The following DTNB variants were observed in gnomAD, a reference collection of about 807,000 sequenced individuals.
DTNB encodes the protein dystrobrevin beta.
DTNB carries 63 observed loss-of-function variants against 90.7 expected under a neutral mutation model. The observed-to-expected ratio is 0.69, with a 90% CI of 0.57 to 0.86. The LOEUF (loss-of-function observed/expected upper bound fraction) is 0.86. Ranked by LOEUF, DTNB falls within the 40% of genes least tolerant of loss-of-function variation. The probability of loss-of-function intolerance (pLI) is 0.00; values close to 1 mark genes in which losing one functional copy is unlikely to be tolerated. For missense variants in DTNB, 744 were observed against 807.1 expected, an observed-to-expected ratio of 0.92 and a Z score of 0.95; for synonymous variants, 277 against 286.7, an observed-to-expected ratio of 0.97 and a Z score of 0.34.
chr2:25,663,541 ATTTC>A (rs1174194543), intron 1 of DTNB, among the ~76,000 whole-genome samples: 1 of 152,074 alleles, frequency 6.6e-6, no homozygotes, highest in African/African-American at 2.4e-5. Context: ...TATATGTACT[ATTTC>A]TTTATAACAT....
At chr2:25,386,566 A>G (rs762503816) in intron 18 of DTNB, among the ~76,000 whole-genome samples, 1 of 152,164 alleles carries the variant, frequency 6.6e-6, no homozygotes, top group South Asian at 2.1e-4. Context: ...TCTGGCCCCT[A>G]CGTAACTGGT....
intron 16 of DTNB, among the ~76,000 whole-genome samples, chr2:25,399,858 T>G (rs1312782520): frequency 3.9e-5 from 6 of 152,198 alleles, no homozygotes; most frequent in Non-Finnish European, 8.8e-5. Flanking sequence ...TAAAATTCTG[T>G]GACCTATGAT....
At chr2:25,526,395 A>ATATATATATATATTTTTTTTTTT in intron 9 of DTNB, among the ~76,000 whole-genome samples, 3 of 49,858 alleles carry the variant, frequency 6.0e-5, no homozygotes, top group African/African-American at 2.9e-4. Context: ...ATATATATAT[A>ATATATATATATATTTTTTTTTTT]TTTTTTTTTT....
At chr2:25,601,364 C>T (rs2065841362) in intron 5 of DTNB, among the ~76,000 whole-genome samples, 1 of 152,024 alleles carries the variant, frequency 6.6e-6, no homozygotes, top group Non-Finnish European at 1.5e-5. Flanking sequence ...CAGTTATTTC[C>T]AGCTAAAAAG....
At chr2:25,621,609 ATTTTTTT>A (rs758895953) in intron 4 of DTNB, among the ~76,000 whole-genome samples, 5 of 105,992 alleles carry the variant, frequency 4.7e-5, no homozygotes, top group Admixed American at 2.0e-4. Context: ...TGCCTGGCTA[ATTTTTTT>A]TTTTTTTTTT....
rs913128055 is a variant in DTNB at position 25,424,822 on chromosome 2, C to T, written c.1554+2713G>A. Among the ~76,000 whole-genome samples the T allele has an allele frequency of 1.8e-4, 27 of 152,034 alleles. No homozygotes were observed. The highest frequency in any genetic ancestry group is 5.3e-4 in the African/African-American group (22 of 41,398). On this transcript the variant is annotated intron_variant, in intron 15 of 20. Transcript: ENST00000406818. The surrounding 1 kb of genome is among the most constrained non-coding windows in gnomAD (Gnocchi z 4.1). ...AGCTGGGATTATAGGCACGTGCCAC[C>T]GTGCCCGGCTAATTTTTGTGTTTTT...
At chr2:25,548,861 C>A (rs906098930) in intron 8 of DTNB, among the ~76,000 whole-genome samples, 1 of 152,162 alleles carries the variant, frequency 6.6e-6, no homozygotes, top group African/African-American at 2.4e-5. Flanking sequence ...CTCAGAAAGC[C>A]TCTGTAATAA....
intron 16 of DTNB, among the ~76,000 whole-genome samples, chr2:25,400,174 T>G (rs917653978): frequency 1.3e-5 from 2 of 152,016 alleles, no homozygotes; most frequent in African/African-American, 4.8e-5. Flanking sequence ...CAAACTGGAG[T>G]GTGTGGCGCA....
intron 3 of DTNB, among the ~76,000 whole-genome samples, chr2:25,634,393 G>GC (rs1224051171): frequency 2.0e-5 from 2 of 101,730 alleles, no homozygotes; most frequent in African/African-American, 3.6e-5. Context: ...GGGGGGGTCA[G>GC]CCCCCCCGCC....
At chr2:25,512,458 G>C (rs1484272319) in intron 9 of DTNB, among the ~76,000 whole-genome samples, 2 of 152,182 alleles carry the variant, frequency 1.3e-5, no homozygotes, top group African/African-American at 4.8e-5. Context: ...AGGCACTAAA[G>C]ATGTACAATC....
chr2:25,378,872 G>T (rs2036671886), intron 20 of DTNB, among the ~76,000 whole-genome samples: 1 of 152,212 alleles, frequency 6.6e-6, no homozygotes, highest in African/African-American at 2.4e-5. Flanking sequence ...GTGCAGTGCT[G>T]GGTGACAGAA....
intron 1 of DTNB, among the ~76,000 whole-genome samples, chr2:25,661,539 G>T (rs2083178167): frequency 6.6e-6 from 1 of 152,228 alleles, no homozygotes; most frequent in South Asian, 2.1e-4. Context: ...ATTGCTTTGG[G>T]GGGAAAGGAA....
Position 25,602,830 on chromosome 2 carries a change from A to C in DTNB, c.448+4406T>G, listed in dbSNP as rs73922444. On this transcript the variant is annotated intron_variant, in intron 5 of 20. Transcript: ENST00000406818. ...GCAAATTTTTGTTTAAAACTACATTACACTTATGCATTTTGATCTAAAACC... is the reference window on the plus strand; with the variant it reads ...GCAAATTTTTGTTTAAAACTACATTCCACTTATGCATTTTGATCTAAAACC... Among the ~76,000 whole-genome samples, 256 of 152,328 alleles carry C rather than the reference A, an allele frequency of 1.7e-3. 1 individual carries two copies. Among genetic ancestry groups the C allele is most frequent in the African/African-American group, 6.0e-3 (248 of 41,576 alleles).
At chr2:25,524,269 T>C (rs964860045) in intron 9 of DTNB, among the ~76,000 whole-genome samples, 15 of 151,880 alleles carry the variant, frequency 9.9e-5, no homozygotes, top group African/African-American at 2.9e-4. Flanking sequence ...TTAACACGTA[T>C]TGAATACAGA....
At chr2:25,591,904 T>C (rs949986255) in intron 6 of DTNB, among the ~76,000 whole-genome samples, 2 of 151,498 alleles carry the variant, frequency 1.3e-5, no homozygotes, top group African/African-American at 4.9e-5. Flanking sequence ...CTACTACAAA[T>C]ACAAAAATTA....
intron 19 of DTNB, 142 bp from the exon 20 acceptor site, chr2:25,379,465 C>T (rs2036922115): frequency 9.0e-7 from 1 of 1,108,734 alleles, no homozygotes; most frequent in Admixed American, 4.2e-5. Flanking sequence ...TGACTTTTCC[C>T]ACCCAGGTAT....
At chr2:25,404,454 G>A (rs1397131158) in intron 16 of DTNB, among the ~76,000 whole-genome samples, 2 of 152,154 alleles carry the variant, frequency 1.3e-5, no homozygotes, top group East Asian at 3.9e-4. Context: ...AGACGGGGCG[G>A]TGAAGCTGGA....
chr2:25,491,953 A>G (rs1171742323), intron 9 of DTNB, among the ~76,000 whole-genome samples: 2 of 151,500 alleles, frequency 1.3e-5, no homozygotes, highest in Non-Finnish European at 2.9e-5. Context: ...GAGGTCACAG[A>G]GCCAAATCGT....
intron 18 of DTNB, among the ~76,000 whole-genome samples, chr2:25,386,760 G>A (rs535005427): frequency 2.0e-5 from 3 of 152,222 alleles, no homozygotes; most frequent in Non-Finnish European, 4.4e-5. Flanking sequence ...AGGAGCAGAA[G>A]AGGCGACAGA....
Sources: allele counts gnomAD v4.1 joint callset (sites outside exome capture counted in the v4.1 genomes callset), GRCh38; gene constraint gnomAD v4.1.1; non-coding constraint Gnocchi (gnomAD v3.1); transcripts MANE v1.5; gene names NCBI Gene and HGNC (gene_info 2026-07-23, HGNC 2026-07-21).